The following DLG5 variants were observed in gnomAD, a reference collection of about 807,000 sequenced individuals.
DLG5 encodes disks large homolog 5.
A neutral mutation model predicts 189.8 loss-of-function variants in DLG5; 48 were observed. The ratio of observed to expected loss-of-function variants is 0.25; its 90% CI spans 0.20 to 0.32. The LOEUF (loss-of-function observed/expected upper bound fraction) is 0.32, where lower values mean the gene tolerates loss of function less well. DLG5 is among the 10% of genes least tolerant of loss of function. The probability of loss-of-function intolerance (pLI) is 1.00; values close to 1 mark genes in which losing one functional copy is unlikely to be tolerated. For missense variants in DLG5, 2,160 were observed against 2,544.7 expected (o/e 0.85, Z 3.25); for synonymous variants, 1,016 against 1,054.1 (o/e 0.96, Z 0.70).
chr10:77,878,368 G>A (rs547333923), intron 1 of DLG5, among the ~76,000 whole-genome samples: 2 of 152,322 alleles, frequency 1.3e-5, no homozygotes, highest in East Asian at 3.9e-4. Context: ...AAAGCCCTTA[G>A]AACAGAGCCA....
At chr10:77,886,357 G>C (rs571737358) in intron 1 of DLG5, among the ~76,000 whole-genome samples, 2 of 149,448 alleles carry the variant, frequency 1.3e-5, no homozygotes, top group African/African-American at 2.5e-5. Context: ...GTTGTCACTA[G>C]AGAACCGTGT....
intron 27 of DLG5, among the ~76,000 whole-genome samples, chr10:77,798,044 G>A (rs915721810): frequency 9.2e-5 from 14 of 152,068 alleles, no homozygotes; most frequent in African/African-American, 2.7e-4. Context: ...AAAATTAGCC[G>A]GGTGTGCTGG....
At chr10:77,907,362 T>C (rs1011009556) in intron 1 of DLG5, among the ~76,000 whole-genome samples, 8 of 152,154 alleles carry the variant, frequency 5.3e-5, no homozygotes, top group Admixed American at 1.3e-4. Context: ...GCAGATCACT[T>C]TAGCCCAGAA....
chr10:77,795,935 A>G (rs953692922), intron 29 of DLG5, 126 bp downstream of exon 29: 1 of 1,412,850 alleles, frequency 7.1e-7, no homozygotes, highest in Non-Finnish European at 9.8e-7. Context: ...ACTCAGACTA[A>G]CACAACACGG....
intron 26 of DLG5, 69 bp from the exon 27 acceptor site, chr10:77,805,930 T>C: frequency 6.7e-7 from 1 of 1,491,014 alleles, no homozygotes. Context: ...CTGCCCTTCC[T>C]GGTGAGAAAA....
chr10:77,844,557 C>G (rs1432654206), intron 5 of DLG5, among the ~76,000 whole-genome samples: 3 of 152,218 alleles, frequency 2.0e-5, no homozygotes, highest in African/African-American at 4.8e-5. Context: ...CCCCGCATCC[C>G]ATGCAAGTAC....
chr10:77,816,299 C>T (rs1842046743), intron 20 of DLG5: 4 of 696,392 alleles, frequency 5.7e-6, no homozygotes, highest in East Asian at 2.7e-5. Context: ...CATGATGGCA[C>T]GATCACCGTC....
At chr10:77,878,707 C>T (rs1392589547) in intron 1 of DLG5, among the ~76,000 whole-genome samples, 3 of 152,220 alleles carry the variant, frequency 2.0e-5, no homozygotes, top group Non-Finnish European at 4.4e-5. Context: ...CCTCTCCCCT[C>T]CCACCATTCC....
chr10:77,898,649 C>A (rs1007791219), intron 1 of DLG5, among the ~76,000 whole-genome samples: 2 of 152,226 alleles, frequency 1.3e-5, no homozygotes, highest in African/African-American at 4.8e-5. Flanking sequence ...ACGAGTCACG[C>A]GGCTGGGCCC....
At chr10:77,827,818 T>C (rs952948796) in intron 13 of DLG5, among the ~76,000 whole-genome samples, 2 of 152,230 alleles carry the variant, frequency 1.3e-5, no homozygotes, top group African/African-American at 4.8e-5. Flanking sequence ...AGGATGCGAA[T>C]TGCAGATCCC....
intron 1 of DLG5, among the ~76,000 whole-genome samples, chr10:77,875,619 G>A (rs555160525): frequency 6.6e-6 from 1 of 152,312 alleles, no homozygotes; most frequent in East Asian, 1.9e-4. Context: ...ACTCAATTCT[G>A]TGAACTGCAG....
At chr10:77,930,218 A>G (rs532833601), upstream of DLG5, among the ~76,000 whole-genome samples, 1 of 151,362 alleles carries the variant, frequency 6.6e-6, no homozygotes, top group Admixed American at 6.6e-5. Flanking sequence ...CTTTCCTCTC[A>G]TGTTTCCTTC....
chr10:77,824,563 G>T, intron 13 of DLG5, 87 bp from the exon 14 acceptor site: 2 of 1,045,096 alleles, frequency 1.9e-6, no homozygotes, highest in Non-Finnish European at 2.8e-6. Context: ...AACCTCCTGT[G>T]CTAGACAGTC....
At chr10:77,808,234 T>A (rs939749898) in intron 24 of DLG5, among the ~76,000 whole-genome samples, 2 of 152,220 alleles carry the variant, frequency 1.3e-5, no homozygotes, top group Non-Finnish European at 2.9e-5. Context: ...CTTTTCAGAA[T>A]AGGGACCTTC....
Position 77,829,002 on chromosome 10 carries a change from G to A in DLG5, c.2186-17C>T, listed in dbSNP as rs942887676. On this transcript the variant is annotated splice_polypyrimidine_tract_variant and intron_variant, in intron 12 of 31. Coordinates refer to ENST00000372391, the MANE Select transcript of DLG5 (RefSeq NM_004747.4). ...TGCCACTGTCTGCAAGCCACAGGAG[G>A]TCACTGGGTAGCCCCTGGCCTCGCT... The A allele has an allele frequency of 6.2e-7, 1 of 1,612,968 alleles. No individual in the cohort carries two copies. The highest frequency in any genetic ancestry group is 8.5e-7 in the Non-Finnish European group (1 of 1,179,344).
rs775864932 is a variant in DLG5 at position 77,830,866 on chromosome 10, T to A, written c.1756A>T (p.Met586Leu). 12 of 1,613,918 alleles carry A rather than the reference T, an allele frequency of 7.4e-6. No individual in the cohort carries two copies. The highest frequency in any genetic ancestry group is 8.5e-6 in the Non-Finnish European group (10 of 1,179,986). ...SRELKELKEQ[M>L]ESQLEKEARF... ...GCCTCCTTTTCCAACTGGGATTCCATCTGTTCCCTGTGAACAGAGAGAGCC... is the reference window on the plus strand; with the variant it reads ...GCCTCCTTTTCCAACTGGGATTCCAACTGTTCCCTGTGAACAGAGAGAGCC... The change falls in exon 10 of 32, where the codon ATG becomes TTG. Residue 586 changes from methionine (M) to leucine (L), a missense_variant. Met to Leu is a conservative substitution (Grantham distance 15). Transcript: ENST00000372391.
At chr10:77,827,120 G>A (rs979683379) in intron 13 of DLG5, among the ~76,000 whole-genome samples, 5 of 152,202 alleles carry the variant, frequency 3.3e-5, no homozygotes, top group Admixed American at 2.0e-4. Flanking sequence ...GTGGGAAGCA[G>A]TACACAAGAG....
chr10:77,939,042 T>C, the DLG5 span, among the ~76,000 whole-genome samples: 1 of 152,052 alleles, frequency 6.6e-6, no homozygotes, highest in East Asian at 1.9e-4. Flanking sequence ...TAGCCGGGTG[T>C]GGTGGCGCAT....
At chr10:77,877,283 G>C (rs1398240722) in intron 1 of DLG5, among the ~76,000 whole-genome samples, 1 of 148,124 alleles carries the variant, frequency 6.8e-6, no homozygotes, top group African/African-American at 2.5e-5. Context: ...TACAGGACTG[G>C]TTTTGGTCTT....
Sources: allele counts gnomAD v4.1 joint callset (sites outside exome capture counted in the v4.1 genomes callset), GRCh38; gene constraint gnomAD v4.1.1; transcripts MANE v1.5; gene names NCBI Gene and HGNC (gene_info 2026-07-23, HGNC 2026-07-21).